Variants in SLC17A1 observed in about 807,000 individuals in gnomAD.
The protein encoded by SLC17A1 is sodium-dependent phosphate transport protein 1.
Under a neutral mutation model 53.5 loss-of-function variants are expected in SLC17A1, and 51 were observed. The observed-to-expected ratio is 0.95, with a 90% CI of 0.76 to 1.20. The LOEUF is 1.20. Among genes scored for constraint, SLC17A1 ranks in the 50% most tolerant of loss-of-function variants. SLC17A1 has a pLI of 0.00. For synonymous variants in SLC17A1, 179 were observed against 198.8 expected (o/e 0.90, Z 0.84); for missense variants, 538 against 568.2 (o/e 0.95, Z 0.54).
intron 12 of SLC17A1, among the ~76,000 whole-genome samples, chr6:25,785,100 A>G (rs549841647): frequency 6.6e-6 from 1 of 152,332 alleles, no homozygotes; most frequent in Non-Finnish European, 1.5e-5. Context: ...ATATTTCTAT[A>G]CACTTGCAAT....
Position 25,791,972 on chromosome 6 carries a change from A to G in SLC17A1, c.*2+6811T>C, listed in dbSNP as rs1078542. 7.3e-3 allele frequency among the ~76,000 whole-genome samples: 1,116 copies of G among 152,346 alleles called. 15 individuals carry two copies. The highest frequency in any genetic ancestry group is 0.024 in the African/African-American group (1,006 of 41,580). On this transcript the variant is annotated intron_variant, in intron 12 of 12. Transcript: ENST00000244527. ...CATTTCTCTTTACAGACCCAAACAC[A>G]TTCACCTAAATCTATTTACATAGTG... is the stretch of plus-strand genomic sequence containing the variant.
At chr6:25,750,792 AG>A in the SLC17A1 span, among the ~76,000 whole-genome samples, 6 of 149,368 alleles carry the variant, frequency 4.0e-5, no homozygotes, top group Non-Finnish European at 7.4e-5. Flanking sequence ...GTGTGGGGGG[AG>A]GGGGGTGTCG....
chr6:25,739,549 A>G, the SLC17A1 span, among the ~76,000 whole-genome samples: 4 of 152,214 alleles, frequency 2.6e-5, no homozygotes, highest in Non-Finnish European at 4.4e-5. Context: ...TGTCCTTTAA[A>G]TGAGTGAATG....
At chr6:25,828,906 C>T (rs1172287893) in intron 2 of SLC17A1, among the ~76,000 whole-genome samples, 1 of 152,054 alleles carries the variant, frequency 6.6e-6, no homozygotes, top group East Asian at 1.9e-4. Context: ...GTGGAATACT[C>T]TTTAGATAAA....
chr6:25,791,854 C>A (rs1439698735), intron 12 of SLC17A1, among the ~76,000 whole-genome samples: 1 of 152,226 alleles, frequency 6.6e-6, no homozygotes, highest in African/African-American at 2.4e-5. Flanking sequence ...GTGACCGAGT[C>A]CATTTGCAGG....
intron 12 of SLC17A1, among the ~76,000 whole-genome samples, chr6:25,797,290 CT>C (rs1310524308): frequency 3.3e-5 from 5 of 152,082 alleles, no homozygotes; most frequent in Non-Finnish European, 7.4e-5. Flanking sequence ...TCTTTTCATA[CT>C]ATAAAATAAA....
chr6:25,777,056 C>G, the SLC17A1 span: 1 of 1,344,384 alleles, frequency 7.4e-7, no homozygotes, highest in Non-Finnish European at 1.0e-6. Flanking sequence ...GCAGGTACAA[C>G]AGGTTGCAGG....
chr6:25,803,277 A>G (rs767499338), intron 10 of SLC17A1, among the ~76,000 whole-genome samples: 1 of 152,016 alleles, frequency 6.6e-6, no homozygotes, highest in Non-Finnish European at 1.5e-5. Flanking sequence ...TGAATAAATC[A>G]AATAAATACA....
the SLC17A1 span, chr6:25,771,109 C>A: frequency 9.9e-7 from 1 of 1,010,656 alleles, no homozygotes; most frequent in Non-Finnish European, 1.6e-6. Context: ...TGGATATTTA[C>A]ATAGCTAAAG....
intron 10 of SLC17A1, among the ~76,000 whole-genome samples, chr6:25,803,431 C>T (rs983998996): frequency 1.3e-5 from 2 of 152,024 alleles, no homozygotes; most frequent in African/African-American, 4.8e-5. Context: ...AAATTCTGTT[C>T]ATATTGGATT....
chr6:25,761,163 C>T, the SLC17A1 span, among the ~76,000 whole-genome samples: 1 of 152,122 alleles, frequency 6.6e-6, no homozygotes, highest in African/African-American at 2.4e-5. Context: ...TCTCCATAAC[C>T]TAGATATGAA....
chr6:25,770,079 G>T, the SLC17A1 span: 1 of 1,613,880 alleles, frequency 6.2e-7, no homozygotes, highest in South Asian at 1.1e-5. Context: ...CCCTGCATAT[G>T]ACTGGAGTCC....
the SLC17A1 span, chr6:25,768,316 C>G: frequency 1.1e-6 from 1 of 948,114 alleles, no homozygotes; most frequent in East Asian, 1.2e-4. Context: ...TCATACATTA[C>G]CTCTGGGATT....
At chr6:25,828,246 G>T (rs574815037) in intron 2 of SLC17A1, among the ~76,000 whole-genome samples, 5 of 152,234 alleles carry the variant, frequency 3.3e-5, no homozygotes, top group Admixed American at 2.6e-4. Context: ...AAGGTCTGGA[G>T]ATAATTCTTG....
downstream of SLC17A1, chr6:25,782,788 T>C (rs1763294116): frequency 6.6e-6 from 1 of 152,190 alleles, no homozygotes; most frequent in South Asian, 2.1e-4. Flanking sequence ...ACTTGTGCTG[T>C]TTCCTTTAAA....
chr6:25,768,116 A>T, the SLC17A1 span, among the ~76,000 whole-genome samples: 1 of 152,184 alleles, frequency 6.6e-6, no homozygotes, highest in Non-Finnish European at 1.5e-5. Flanking sequence ...TCAAAATTCC[A>T]ATGTAGATTT....
At chr6:25,804,027 C>A (rs927928174) in intron 10 of SLC17A1, among the ~76,000 whole-genome samples, 2 of 152,130 alleles carry the variant, frequency 1.3e-5, no homozygotes, top group Non-Finnish European at 2.9e-5. Context: ...ATACTTTTCA[C>A]ATACGTATAT....
chr6:25,745,930 G>C, the SLC17A1 span, among the ~76,000 whole-genome samples: 1 of 152,194 alleles, frequency 6.6e-6, no homozygotes, highest in Non-Finnish European at 1.5e-5. Context: ...GATAGGCTTT[G>C]TAGAAAAAGT....
At chr6:25,806,168 A>G (rs1763946808) in intron 10 of SLC17A1, among the ~76,000 whole-genome samples, 2 of 152,044 alleles carry the variant, frequency 1.3e-5, no homozygotes, top group Non-Finnish European at 1.5e-5. Context: ...CATCAAATAG[A>G]TAGAATAATA....
Sources: allele counts gnomAD v4.1 joint callset (sites outside exome capture counted in the v4.1 genomes callset), GRCh38; gene constraint gnomAD v4.1.1; transcripts MANE v1.5; gene names NCBI Gene and HGNC (gene_info 2026-07-23, HGNC 2026-07-21).